SLMAP: variants seen among roughly 807,000 people sequenced by gnomAD.
SLMAP encodes sarcolemmal membrane-associated protein.
A neutral mutation model predicts 128.8 loss-of-function variants in SLMAP; 44 were observed. That is an observed-to-expected ratio of 0.34 (90% CI 0.27 to 0.44). The LOEUF (loss-of-function observed/expected upper bound fraction) is 0.44, where lower values mean the gene tolerates loss of function less well. Among genes scored for constraint, SLMAP ranks in the 20% least tolerant of loss-of-function variants. The pLI, the probability that SLMAP is intolerant of heterozygous loss-of-function variation, is 1.00. For synonymous variants in SLMAP, 327 were observed against 348.8 expected (o/e 0.94, Z 0.70); for missense variants, 787 against 985.3 (o/e 0.80, Z 2.69).
Position 57,907,894 on chromosome 3 carries a change from G to A in SLMAP, c.1512G>A (p.Gln504=). 6.2e-7 allele frequency: 1 copy of A among 1,613,484 alleles called. No homozygotes were observed. Among genetic ancestry groups the A allele is most frequent in the East Asian group, 2.2e-5 (1 of 44,820 alleles). Residue 504 remains glutamine (Q), a synonymous_variant, in exon 18 of 25, where the codon CAG becomes CAA. Transcript: ENST00000671191. ...AKVSLLKDDL[Q]GAQSEIEAKQ... The stretch of plus-strand genomic sequence containing the variant: ...ACATGTTTTTGTCAGATGACTTGCA[G>A]GGTGCACAGTCAGAAATTGAGGCAA...
At chr3:57,849,039 G>T (rs897042342) in intron 5 of SLMAP, among the ~76,000 whole-genome samples, 19 of 149,280 alleles carry the variant, frequency 1.3e-4, no homozygotes, top group South Asian at 4.2e-4. Flanking sequence ...ATGGAGTTTC[G>T]CTCTGTCGTC....
intron 2 of SLMAP, among the ~76,000 whole-genome samples, chr3:57,780,365 C>T (rs889866165): frequency 6.6e-6 from 1 of 151,608 alleles, no homozygotes; most frequent in African/African-American, 2.4e-5. Flanking sequence ...GGCTGGTCTC[C>T]AACTCCTGGG....
At chr3:57,909,568 T>A (rs1488563767) in intron 19 of SLMAP, among the ~76,000 whole-genome samples, 10 of 151,952 alleles carry the variant, frequency 6.6e-5, no homozygotes, top group African/African-American at 2.4e-4. Flanking sequence ...ATGGCTTTGA[T>A]TCTCTAGAAC....
intron 4 of SLMAP, among the ~76,000 whole-genome samples, chr3:57,845,866 G>C (rs1057216999): frequency 2.0e-5 from 3 of 151,352 alleles, no homozygotes; most frequent in African/African-American, 7.3e-5. Flanking sequence ...TTTGGAGATG[G>C]AGTCTTGCTC....
At chr3:57,824,143 T>A (rs2092746216) in intron 2 of SLMAP, among the ~76,000 whole-genome samples, 1 of 152,076 alleles carries the variant, frequency 6.6e-6, no homozygotes, top group Admixed American at 6.5e-5. Context: ...TATAATTCAG[T>A]AGAGAGTTCA....
At chr3:57,895,349 A>C (rs966704501) in intron 15 of SLMAP, among the ~76,000 whole-genome samples, 1 of 151,138 alleles carries the variant, frequency 6.6e-6, no homozygotes, top group Non-Finnish European at 1.5e-5. Context: ...TTCTTTCTTT[A>C]TTTTGAGACA....
chr3:57,771,111 CT>C (rs1490231348), intron 2 of SLMAP, among the ~76,000 whole-genome samples: 2 of 151,914 alleles, frequency 1.3e-5, no homozygotes, highest in African/African-American at 4.8e-5. Context: ...GCAAACTCCT[CT>C]CCTGTATGCT....
At chr3:57,863,547 G>GCT (rs1233189702) in intron 10 of SLMAP, among the ~76,000 whole-genome samples, 1 of 152,170 alleles carries the variant, frequency 6.6e-6, no homozygotes, top group Admixed American at 6.6e-5. Context: ...GAAGCTTCAG[G>GCT]CTGCTTCCAC....
At chr3:57,782,115 G>C (rs919994839) in intron 2 of SLMAP, among the ~76,000 whole-genome samples, 4 of 152,068 alleles carry the variant, frequency 2.6e-5, no homozygotes, top group Non-Finnish European at 5.9e-5. Flanking sequence ...TTATTTGTTG[G>C]ATATAGGATA....
rs554021712 is a variant in SLMAP at position 57,855,726 on chromosome 3, CA to C, written c.520-1996del. ...CCCCATCTGTTAAAAAAAAAAAAAA[CA>C]AAAAAAAAAACTTTAAATAAAAATA... is the stretch of plus-strand genomic sequence containing the variant. On this transcript the variant is annotated intron_variant, in intron 6 of 24. Coordinates refer to ENST00000671191, the MANE Select transcript of SLMAP (RefSeq NM_001377540.1). Among the ~76,000 whole-genome samples, 859 of 130,322 alleles carry C rather than the reference CA, an allele frequency of 6.6e-3. 4 individuals carry two copies. The highest frequency in any genetic ancestry group is 0.011 in the Non-Finnish European group (662 of 61,364). The allele number at this position is 130,322 out of a possible 152,430, so 85.5% of individuals were successfully genotyped here.
intron 23 of SLMAP, among the ~76,000 whole-genome samples, chr3:57,923,660 G>A (rs2096954180): frequency 6.6e-6 from 1 of 152,156 alleles, no homozygotes; most frequent in African/African-American, 2.4e-5. Flanking sequence ...ACCTTTGTGG[G>A]CCCTGATAGA....
intron 17 of SLMAP, among the ~76,000 whole-genome samples, chr3:57,905,955 G>A (rs1470995973): frequency 6.8e-6 from 1 of 147,092 alleles, no homozygotes; most frequent in East Asian, 2.0e-4. Flanking sequence ...ACAGAGCAAG[G>A]AAAATACCTA....
intron 20 of SLMAP, 78 bp downstream of exon 20, chr3:57,912,779 C>A: frequency 8.9e-7 from 1 of 1,127,460 alleles, no homozygotes; most frequent in Non-Finnish European, 1.2e-6. Flanking sequence ...AAGAAACATG[C>A]AGGCTTTTTT....
At chr3:57,896,769 T>C in intron 16 of SLMAP, 104 bp from the exon 17 acceptor site, 1 of 1,411,662 alleles carries the variant, frequency 7.1e-7, no homozygotes, top group Non-Finnish European at 9.6e-7. Flanking sequence ...ACTACCCGAA[T>C]ATAATAGCTG....
In SLMAP at chr3:57,757,462, G is replaced by A. The variant is rs745738443; in HGVS notation, c.-190G>A. On this transcript the variant is annotated 5_prime_UTR_variant, in exon 2 of 25. An upstream start codon of the reference 5' UTR is lost. Transcript: ENST00000671191. ...GTTGCAGCGTTTTAAAGGAGGTGATGGGGCTTGCGCTGGCTTGTCTTCCCA... is the reference window on the plus strand; with the variant it reads ...GTTGCAGCGTTTTAAAGGAGGTGATAGGGCTTGCGCTGGCTTGTCTTCCCA... 3 of 610,470 alleles carry A rather than the reference G, an allele frequency of 4.9e-6. No individual in the cohort carries two copies. Among genetic ancestry groups the A allele is most frequent in the Non-Finnish European group, 5.8e-6 (2 of 345,068 alleles). The allele number at this position is 610,470 out of a possible 1,614,324, so 37.8% of individuals were successfully genotyped here. A position where few individuals can be genotyped will look rare whatever the true frequency, so the allele number is the denominator to read the frequency against.
intron 14 of SLMAP, among the ~76,000 whole-genome samples, chr3:57,878,807 A>G (rs982065325): frequency 6.6e-6 from 1 of 152,222 alleles, no homozygotes; most frequent in Non-Finnish European, 1.5e-5. Flanking sequence ...TGTCCCAGTC[A>G]TAGCATTTTC....
intron 19 of SLMAP, among the ~76,000 whole-genome samples, chr3:57,910,259 G>A (rs896766811): frequency 1.3e-5 from 2 of 152,044 alleles, no homozygotes; most frequent in African/African-American, 4.8e-5. Flanking sequence ...TGGTGATCTT[G>A]GCTCACTACA....
chr3:57,783,110 C>T (rs76296163), intron 2 of SLMAP, among the ~76,000 whole-genome samples: 4,070 of 152,194 alleles, frequency 0.027, 191 homozygotes, highest in African/African-American at 0.093. Context: ...AATGTTAAAG[C>T]AGCTTTGGAA....
At chr3:57,762,663 C>T (rs1321722512) in intron 2 of SLMAP, among the ~76,000 whole-genome samples, 1 of 149,908 alleles carries the variant, frequency 6.7e-6, no homozygotes, top group South Asian at 2.1e-4. Context: ...ATCCTTCATC[C>T]TTTTCGGAAG....
Sources: allele counts gnomAD v4.1 joint callset (sites outside exome capture counted in the v4.1 genomes callset), GRCh38; gene constraint gnomAD v4.1.1; transcripts MANE v1.5; gene names NCBI Gene and HGNC (gene_info 2026-07-23, HGNC 2026-07-21).